Variants in HIVEP1 observed in about 807,000 individuals in gnomAD.
HIVEP1 encodes HIVEP zinc finger 1, also known as zinc finger protein 40.
Under a neutral mutation model 180.0 loss-of-function variants are expected in HIVEP1, and 36 were observed. The observed-to-expected ratio is 0.20, with a 90% confidence interval of 0.15 to 0.26. The LOEUF (loss-of-function observed/expected upper bound fraction) is 0.26. Ranked by LOEUF, HIVEP1 falls within the 10% of genes least tolerant of loss-of-function variation. HIVEP1 has a pLI of 1.00. For synonymous variants in HIVEP1, 1,239 were observed against 1,239.0 expected, an observed-to-expected ratio of 1.00 and a Z score of 0.00; for missense variants, 3,143 against 3,268.7, an observed-to-expected ratio of 0.96 and a Z score of 0.94.
chr6:12,210,315 G>A, the HIVEP1 span, among the ~76,000 whole-genome samples: 1 of 152,120 alleles, frequency 6.6e-6, no homozygotes, highest in Non-Finnish European at 1.5e-5. Context: ...CACTCCCTAC[G>A]TTTCTCACCA....
At chr6:12,150,700 C>G (rs1272342903) in intron 7 of HIVEP1, among the ~76,000 whole-genome samples, 1 of 152,078 alleles carries the variant, frequency 6.6e-6, no homozygotes, top group Non-Finnish European at 1.5e-5. Context: ...GAATGACACG[C>G]ACGTGACACA....
At chr6:12,211,475 G>GTA in the HIVEP1 span, among the ~76,000 whole-genome samples, 11 of 86,098 alleles carry the variant, frequency 1.3e-4, no homozygotes, top group Admixed American at 4.8e-4. Flanking sequence ...ATATATATAT[G>GTA]TATATATATA....
chr6:12,164,482 C>T lies in HIVEP1; in HGVS notation c.*21C>T, dbSNP rs75719442. The T allele has an allele frequency of 5.2e-6, 8 of 1,533,564 alleles. No individual in the cohort carries two copies. The East Asian group carries it at 1.4e-4, about 26-fold the overall frequency. 95.0% of individuals were successfully genotyped at this position (1,533,564 alleles called of 1,614,324 possible). A position where few individuals can be genotyped will look rare whatever the true frequency, so the allele number is the denominator to read the frequency against. On this transcript the variant is annotated 3_prime_UTR_variant, in exon 9 of 9. Coordinates refer to ENST00000379388, the MANE Select transcript of HIVEP1 (RefSeq NM_002114.4). Reference sequence around the variant, plus strand: ...CCTGATGGATTTTATTTTTTATTTGCTTTTTTTTTATATAACACTTAAAGG... The same window carrying T: ...CCTGATGGATTTTATTTTTTATTTGTTTTTTTTTTATATAACACTTAAAGG...
chr6:12,131,163 A>G (rs558951155), intron 6 of HIVEP1, among the ~76,000 whole-genome samples: 2 of 151,784 alleles, frequency 1.3e-5, no homozygotes, highest in African/African-American at 4.8e-5. Context: ...AATAAATATA[A>G]TATTTTTAAA....
intron 1 of HIVEP1, among the ~76,000 whole-genome samples, chr6:12,013,997 C>T (rs114772082): frequency 6.6e-4 from 100 of 152,334 alleles, no homozygotes; most frequent in African/African-American, 2.3e-3. Context: ...GGATGTTAGA[C>T]ACATTCCTTC....
chr6:12,206,554 A>G, the HIVEP1 span, among the ~76,000 whole-genome samples: 6 of 152,154 alleles, frequency 3.9e-5, no homozygotes, highest in African/African-American at 1.4e-4. Flanking sequence ...AGAAGCTTGG[A>G]AAGAGGCCTG....
intron 2 of HIVEP1, among the ~76,000 whole-genome samples, chr6:12,076,892 A>G (rs1772388696): frequency 6.6e-6 from 1 of 152,182 alleles, no homozygotes; most frequent in Non-Finnish European, 1.5e-5. Context: ...TAATTAGAAT[A>G]TAGTCAGCTA....
At chr6:12,051,018 A>ATATATATATATATATATG (rs1475506663) in intron 2 of HIVEP1, among the ~76,000 whole-genome samples, 1 of 138,404 alleles carries the variant, frequency 7.2e-6, no homozygotes, top group African/African-American at 2.7e-5. Flanking sequence ...ATATATATAT[A>ATATATATATATATATATG]TATATATATA....
the HIVEP1 span, among the ~76,000 whole-genome samples, chr6:12,195,452 C>A: frequency 1.3e-5 from 2 of 152,044 alleles, no homozygotes; most frequent in African/African-American, 4.8e-5. Flanking sequence ...AAGATGTCAG[C>A]GGTTAAAAAA....
intron 6 of HIVEP1, among the ~76,000 whole-genome samples, chr6:12,134,669 A>G (rs575626939): frequency 2.0e-5 from 3 of 152,288 alleles, no homozygotes; most frequent in East Asian, 3.9e-4. Context: ...CTTGTTGGCA[A>G]TGCTTTTGTG....
chr6:12,089,703 TG>T (rs540265730), intron 3 of HIVEP1, among the ~76,000 whole-genome samples: 2 of 152,096 alleles, frequency 1.3e-5, no homozygotes, highest in Non-Finnish European at 2.9e-5. Flanking sequence ...ACTCATATTT[TG>T]GGGTATCACG....
intron 3 of HIVEP1, among the ~76,000 whole-genome samples, chr6:12,107,755 T>A (rs1230147090): frequency 6.6e-6 from 1 of 152,200 alleles, no homozygotes; most frequent in African/African-American, 2.4e-5. Flanking sequence ...TTCCACAGCG[T>A]AGAAGGGGAC....
intron 2 of HIVEP1, among the ~76,000 whole-genome samples, chr6:12,070,724 A>G (rs1238282127): frequency 6.6e-6 from 1 of 152,212 alleles, no homozygotes; most frequent in Non-Finnish European, 1.5e-5. Flanking sequence ...TGAAAGTTAA[A>G]GCTCTACCAG....
chr6:12,198,629 C>T, the HIVEP1 span, among the ~76,000 whole-genome samples: 1 of 152,064 alleles, frequency 6.6e-6, no homozygotes, highest in Non-Finnish European at 1.5e-5. Flanking sequence ...CAGGGGAAAA[C>T]AAGGCTGCAT....
At chr6:12,102,267 A>T (rs115181853) in intron 3 of HIVEP1, among the ~76,000 whole-genome samples, 6,505 of 152,254 alleles carry the variant, frequency 0.043, 168 homozygotes, top group African/African-American at 0.052. Flanking sequence ...TAAATACTCC[A>T]CCCAAGAACA....
chr6:12,123,250 A>T lies in HIVEP1; in HGVS notation c.3455A>T (p.Glu1152Val), dbSNP rs1757808002. The stretch of plus-strand genomic sequence containing the variant: ...AGGCCCAACTCATTTGACAAGCCTG[A>T]GCCTTTTGAAAGAGCCTCCCCAGTT... ...LSRPNSFDKP[E>V]PFERASPVSF... The change falls in exon 4 of 9, where the codon GAG becomes GTG. Residue 1152 changes from glutamate (E) to valine (V), a missense_variant. Transcript: ENST00000379388. The T allele has an allele frequency of 6.2e-7, 1 of 1,614,178 alleles. No homozygotes were observed. Among genetic ancestry groups the T allele is most frequent in the Admixed American group, 1.7e-5 (1 of 60,008 alleles).
chr6:12,172,257 T>C, the HIVEP1 span, among the ~76,000 whole-genome samples: 1 of 152,126 alleles, frequency 6.6e-6, no homozygotes, highest in Non-Finnish European at 1.5e-5. Context: ...GAGGTGTACA[T>C]TAGATATTGT....
intron 4 of HIVEP1, 92 bp from the exon 5 acceptor site, chr6:12,129,667 C>G (rs1191651686): frequency 9.7e-7 from 1 of 1,032,474 alleles, no homozygotes; most frequent in Non-Finnish European, 1.5e-6. Context: ...ACCATATGCT[C>G]TGTACTCTGC....
rs914780376 is a variant in HIVEP1 at position 12,164,998 on chromosome 6, T to C, written c.*537T>C. The C allele has an allele frequency of 9.2e-5, 35 of 381,608 alleles. No individual in the cohort carries two copies. Among genetic ancestry groups the C allele is most frequent in the African/African-American group, 7.5e-4 (35 of 46,418 alleles). 23.6% of individuals were successfully genotyped at this position (381,608 alleles called of 1,614,324 possible). On this transcript the variant is annotated 3_prime_UTR_variant, in exon 9 of 9. Transcript: ENST00000379388. ...TCAGTAAAATATTGTTTACTGACTT[T>C]ACCATTGCTTCAGTTGTGCCTTCTT...
Sources: allele counts gnomAD v4.1 joint callset (sites outside exome capture counted in the v4.1 genomes callset), GRCh38; gene constraint gnomAD v4.1.1; transcripts MANE v1.5; gene names NCBI Gene and HGNC (gene_info 2026-07-23, HGNC 2026-07-21).